Variants in COL23A1 observed in about 807,000 individuals in gnomAD.
COL23A1 encodes the protein collagen type XXIII alpha 1 chain.
A neutral mutation model predicts 99.3 loss-of-function variants in COL23A1; 97 were observed. That is an observed-to-expected ratio of 0.98 (90% confidence interval 0.83 to 1.16). COL23A1 has a LOEUF of 1.16. Ranked by LOEUF, COL23A1 falls within the 50% of genes most tolerant of loss-of-function variation. The probability of loss-of-function intolerance (pLI) is 0.00; values close to 1 mark genes in which losing one functional copy is unlikely to be tolerated. For synonymous variants in COL23A1, 320 were observed against 308.2 expected, an observed-to-expected ratio of 1.04 and a Z score of -0.40; for missense variants, 762 against 757.4, an observed-to-expected ratio of 1.01 and a Z score of -0.07.
intron 2 of COL23A1, among the ~76,000 whole-genome samples, chr5:178,427,340 C>T (rs1226379502): frequency 6.6e-6 from 1 of 152,156 alleles, no homozygotes; most frequent in South Asian, 2.1e-4. Context: ...AGGGTACAGG[C>T]CCTTTGGAAT....
At chr5:178,290,988 T>C (rs1182221719) in intron 3 of COL23A1, among the ~76,000 whole-genome samples, 1 of 152,224 alleles carries the variant, frequency 6.6e-6, no homozygotes, top group East Asian at 1.9e-4. Context: ...CGTTATTGCA[T>C]TTGACCTTCC....
intron 2 of COL23A1, among the ~76,000 whole-genome samples, chr5:178,338,629 C>G (rs983779403): frequency 6.6e-6 from 1 of 151,836 alleles, no homozygotes; most frequent in African/African-American, 2.4e-5. Flanking sequence ...CACCCAGCAC[C>G]GGGTAAGGTG....
intron 2 of COL23A1, among the ~76,000 whole-genome samples, chr5:178,338,118 C>T (rs771367790): frequency 2.0e-5 from 3 of 152,146 alleles, no homozygotes; most frequent in African/African-American, 7.2e-5. Flanking sequence ...CTGACCCATG[C>T]GGTCTGACTC....
intron 2 of COL23A1, among the ~76,000 whole-genome samples, chr5:178,399,012 T>A (rs1339892036): frequency 6.6e-6 from 1 of 152,262 alleles, no homozygotes; most frequent in African/African-American, 2.4e-5. Context: ...CGTACAGCAG[T>A]GCCCTTGCAG....
intron 2 of COL23A1, among the ~76,000 whole-genome samples, chr5:178,484,704 C>T (rs533727495): frequency 1.3e-5 from 2 of 151,986 alleles, no homozygotes; most frequent in Admixed American, 1.3e-4. Context: ...TGCCTGTAGT[C>T]CCAGCTGCTC....
At chr5:178,330,440 G>A (rs1483496262) in intron 2 of COL23A1, among the ~76,000 whole-genome samples, 5 of 152,174 alleles carry the variant, frequency 3.3e-5, no homozygotes. Context: ...AGGATGACTT[G>A]AGGCCAGGAG....
Position 178,366,280 on chromosome 5 carries a change from C to T in COL23A1, c.362-59361G>A, listed in dbSNP as rs1467480678. 6.6e-6 allele frequency among the ~76,000 whole-genome samples: 1 copy of T among 152,176 alleles called. No individual in the cohort carries two copies. The highest frequency in any genetic ancestry group is 2.4e-5 in the African/African-American group (1 of 41,452). ...GTCCAGTGGGGAGGGGCACCGCTGC[C>T]TTGCCCGAGGTTCCCTCTGCACCCC... On this transcript the variant is annotated intron_variant, in intron 2 of 28. Coordinates refer to ENST00000390654, the MANE Select transcript of COL23A1 (RefSeq NM_173465.4). The surrounding 1 kb of genome is among the most constrained non-coding windows in gnomAD (Gnocchi z 4.4).
intron 2 of COL23A1, among the ~76,000 whole-genome samples, chr5:178,480,883 C>A (rs1434793139): frequency 6.6e-6 from 1 of 151,982 alleles, no homozygotes; most frequent in Non-Finnish European, 1.5e-5. Context: ...CGGTGGCTCA[C>A]GGCTGTAATC....
chr5:178,348,688 G>T (rs951882129), intron 2 of COL23A1, among the ~76,000 whole-genome samples: 2 of 152,206 alleles, frequency 1.3e-5, no homozygotes, highest in African/African-American at 4.8e-5. Context: ...CCCCTTCCCA[G>T]GACCAGGCCC....
At position 178,280,505 on chromosome 5, in the gene COL23A1, A is replaced by T. The variant is rs1046701866; in HGVS notation, c.441+7819T>A. Among the ~76,000 whole-genome samples the T allele has an allele frequency of 6.6e-6, 1 of 152,174 alleles. No homozygotes were observed. The highest frequency in any genetic ancestry group is 2.4e-5 in the African/African-American group (1 of 41,436). ...CACTGCATGGGCTGGACATCGTGCC[A>T]GCCCTGGGTCCTGGTCGGGGGCAGC... On this transcript the variant is annotated intron_variant, in intron 5 of 28. Transcript: ENST00000390654. The surrounding 1 kb of genome is among the most constrained non-coding windows in gnomAD (Gnocchi z 4.9).
intron 2 of COL23A1, among the ~76,000 whole-genome samples, chr5:178,527,746 G>A (rs1034260661): frequency 2.6e-5 from 4 of 152,164 alleles, no homozygotes; most frequent in East Asian, 3.9e-4. Flanking sequence ...CCACTCAGAC[G>A]CCCCTGCCCA....
chr5:178,566,587 G>A (rs1480829478), intron 1 of COL23A1, among the ~76,000 whole-genome samples: 7 of 151,942 alleles, frequency 4.6e-5, no homozygotes, highest in Non-Finnish European at 1.0e-4. Flanking sequence ...AGGCAGAGGC[G>A]GGAGGATCAC....
At chr5:178,502,185 G>T (rs1217843881) in intron 2 of COL23A1, among the ~76,000 whole-genome samples, 1 of 152,200 alleles carries the variant, frequency 6.6e-6, no homozygotes, top group Non-Finnish European at 1.5e-5. Context: ...AGGCTGGAGT[G>T]CAGTGGCGTG....
chr5:178,286,319 TCTTC>T (rs1350649701), intron 5 of COL23A1, among the ~76,000 whole-genome samples: 1 of 152,174 alleles, frequency 6.6e-6, no homozygotes, highest in African/African-American at 2.4e-5. Flanking sequence ...ACCCCAGCTC[TCTTC>T]CTTCCAAGAA....
chr5:178,426,310 T>C (rs980425284), intron 2 of COL23A1, among the ~76,000 whole-genome samples: 1 of 152,226 alleles, frequency 6.6e-6, no homozygotes. Context: ...CCTCTTAGTC[T>C]CAACTTCAGC....
intron 2 of COL23A1, among the ~76,000 whole-genome samples, chr5:178,555,037 C>T (rs780725277): frequency 1.3e-5 from 2 of 152,146 alleles, no homozygotes; most frequent in Non-Finnish European, 2.9e-5. Flanking sequence ...ACAGACTGTG[C>T]GGCTTAAAAC....
chr5:178,290,928 T>A (rs1581537421), intron 3 of COL23A1, among the ~76,000 whole-genome samples: 2 of 152,280 alleles, frequency 1.3e-5, no homozygotes, highest in East Asian at 3.9e-4. Flanking sequence ...AGAACCCTTA[T>A]GAGGCCCACA....
intron 2 of COL23A1, among the ~76,000 whole-genome samples, chr5:178,358,035 T>C (rs111217340): frequency 0.059 from 8,130 of 137,450 alleles, 467 homozygotes; most frequent in Middle Eastern, 0.16. Context: ...TATGCGTATG[T>C]GTATGTGTAT....
rs1221716397 is a variant in COL23A1, at chr5:178,239,187, G to A, written c.1582-8C>T. ...AGGCAGCCCGTCGGGGCCCTGGAAA[G>A]GAAGAAGGTTTCAGTGATGGGGATG... On this transcript the variant is annotated splice_polypyrimidine_tract_variant and splice_region_variant and intron_variant, in intron 27 of 28. Transcript: ENST00000390654. 15 of 1,613,924 alleles carry A rather than the reference G, an allele frequency of 9.3e-6. No individual in the cohort carries two copies. Among genetic ancestry groups the A allele is most frequent in the South Asian group, 1.1e-5 (1 of 91,090 alleles).
Sources: allele counts gnomAD v4.1 joint callset (sites outside exome capture counted in the v4.1 genomes callset), GRCh38; gene constraint gnomAD v4.1.1; non-coding constraint Gnocchi (gnomAD v3.1); transcripts MANE v1.5; gene names NCBI Gene and HGNC (gene_info 2026-07-23, HGNC 2026-07-21).